The following PRELID2 variants were observed in gnomAD, a reference collection of about 807,000 sequenced individuals.
The protein encoded by PRELID2 is PRELI domain containing 2.
Under a neutral mutation model 28.4 loss-of-function variants are expected in PRELID2, and 25 were observed. The observed-to-expected ratio is 0.88, with a 90% CI of 0.64 to 1.23. The LOEUF is 1.23. Among genes scored for constraint, PRELID2 ranks in the 50% most tolerant of loss-of-function variants. The probability of loss-of-function intolerance (pLI) is 0.00; values close to 1 mark genes in which losing one functional copy is unlikely to be tolerated. For missense variants in PRELID2, 201 were observed against 214.4 expected, an observed-to-expected ratio of 0.94 and a Z score of 0.39; for synonymous variants, 76 against 71.6, an observed-to-expected ratio of 1.06 and a Z score of -0.31.
Position 145,547,367 on chromosome 5 carries a change from CAA to C in PRELID2, n.71-74054_71-74053del, listed in dbSNP as rs530349477. On this transcript the variant is annotated intron_variant and non_coding_transcript_variant, in intron 1 of 2. Transcript: ENST00000510259. ...ATTTTATCTTCTGTAGCTCTGTACT[CAA>C]AGATTATCCACATGGACCCGGCCTT... Among the ~76,000 whole-genome samples the C allele has an allele frequency of 2.0e-5, 3 of 152,214 alleles. No individual in the cohort carries two copies. The East Asian group carries it at 5.8e-4, about 29-fold the overall frequency.
At chr5:145,365,495 T>C in the PRELID2 span, among the ~76,000 whole-genome samples, 7 of 151,978 alleles carry the variant, frequency 4.6e-5, no homozygotes, top group African/African-American at 1.7e-4. Context: ...CATTTGTTCA[T>C]GTGTGGGTAT....
chr5:145,408,795 T>G, the PRELID2 span, among the ~76,000 whole-genome samples: 1 of 152,106 alleles, frequency 6.6e-6, no homozygotes, highest in Non-Finnish European at 1.5e-5. Flanking sequence ...AAAACATACT[T>G]GAGGGAAAAA....
chr5:145,388,684 T>C, the PRELID2 span, among the ~76,000 whole-genome samples: 1 of 152,122 alleles, frequency 6.6e-6, no homozygotes, highest in African/African-American at 2.4e-5. Context: ...CTCATTTCCA[T>C]CTCAGGGATT....
the PRELID2 span, among the ~76,000 whole-genome samples, chr5:145,368,546 T>C: frequency 9.9e-5 from 15 of 151,904 alleles, no homozygotes; most frequent in Non-Finnish European, 1.9e-4. Context: ...CCCTAATATA[T>C]ACTTAGTATG....
At chr5:145,782,575 T>C (rs1287558384) in intron 5 of PRELID2, among the ~76,000 whole-genome samples, 1 of 152,228 alleles carries the variant, frequency 6.6e-6, no homozygotes, top group Non-Finnish European at 1.5e-5. Flanking sequence ...ATAGAAGGCA[T>C]AGATTAAAAA....
intron 1 of PRELID2, among the ~76,000 whole-genome samples, chr5:145,522,851 AAAG>A (rs943292855): frequency 7.2e-5 from 11 of 151,834 alleles, no homozygotes; most frequent in South Asian, 2.1e-4. Context: ...AGGAAGAGAA[AAAG>A]AAGAAGGAGA....
At position 145,760,327 on chromosome 5, in the gene PRELID2, G is replaced by A. The variant is rs1181520500; in HGVS notation, c.*209C>T. 1.3e-5 allele frequency: 2 copies of A among 152,090 alleles called. No individual in the cohort carries two copies. Among genetic ancestry groups the A allele is most frequent in the African/African-American group, 4.8e-5 (2 of 41,412 alleles). The allele number at this position is 152,090 out of a possible 1,614,324, so 9.4% of individuals were successfully genotyped here. On this transcript the variant is annotated 3_prime_UTR_variant, in exon 7 of 7. Transcript: ENST00000683046. ...TCCAGCAAGAAGGTCTTATCTCCCT[G>A]AGTCCCACTATTCGAAGCAGGCTCC...
intron 1 of PRELID2, among the ~76,000 whole-genome samples, chr5:145,567,111 A>G (rs1227913042): frequency 3.3e-5 from 5 of 152,174 alleles, no homozygotes; most frequent in Non-Finnish European, 1.5e-5. Flanking sequence ...CAATAAATAA[A>G]ATATCTCTTT....
At chr5:145,746,581 G>C (rs1001744897) in intron 1 of PRELID2, among the ~76,000 whole-genome samples, 3 of 152,058 alleles carry the variant, frequency 2.0e-5, no homozygotes, top group Non-Finnish European at 4.4e-5. Context: ...CACAATAATA[G>C]TGGGAGCCTT....
chr5:145,487,508 A>C (rs1752228615), intron 1 of PRELID2, among the ~76,000 whole-genome samples: 1 of 152,206 alleles, frequency 6.6e-6, no homozygotes, highest in Admixed American at 6.5e-5. Context: ...TCAATTTTCC[A>C]GTAGATAGAA....
intron 1 of PRELID2, among the ~76,000 whole-genome samples, chr5:145,745,531 C>T (rs1325308889): frequency 6.6e-6 from 1 of 152,140 alleles, no homozygotes; most frequent in Non-Finnish European, 1.5e-5. Flanking sequence ...ACTCTACAAG[C>T]CAGAAGATAC....
chr5:145,605,290 G>T (rs1294182859), intron 1 of PRELID2, among the ~76,000 whole-genome samples: 2 of 152,112 alleles, frequency 1.3e-5, no homozygotes, highest in Middle Eastern at 3.4e-3. Flanking sequence ...ATCTTCCAGG[G>T]TTTTTATAGC....
intron 1 of PRELID2, chr5:145,729,135 C>A: frequency 1.7e-6 from 1 of 602,144 alleles, no homozygotes; most frequent in Admixed American, 2.6e-5. Flanking sequence ...TCAGCTTTCC[C>A]ACTGAGCTTC....
chr5:145,418,905 G>A, the PRELID2 span, among the ~76,000 whole-genome samples: 5 of 141,750 alleles, frequency 3.5e-5, no homozygotes, highest in African/African-American at 1.1e-4. Context: ...ACAGTCCCCA[G>A]AGTGTGATAT....
intron 1 of PRELID2, among the ~76,000 whole-genome samples, chr5:145,516,635 T>G (rs572084836): frequency 6.6e-6 from 1 of 152,114 alleles, no homozygotes; most frequent in African/African-American, 2.4e-5. Flanking sequence ...AGAAAAAAAC[T>G]ACTTTAAATT....
the PRELID2 span, among the ~76,000 whole-genome samples, chr5:145,385,024 A>G: frequency 1.3e-5 from 2 of 152,122 alleles, no homozygotes; most frequent in Admixed American, 6.6e-5. Context: ...TGATGACTGG[A>G]AGGTACAGTG....
chr5:145,638,279 G>A (rs1487450956), intron 1 of PRELID2, among the ~76,000 whole-genome samples: 2 of 151,950 alleles, frequency 1.3e-5, no homozygotes, highest in African/African-American at 2.4e-5. Context: ...CCCACTAAAC[G>A]GGCATTACAA....
At chr5:145,339,608 GT>G in the PRELID2 span, among the ~76,000 whole-genome samples, 1 of 152,138 alleles carries the variant, frequency 6.6e-6, no homozygotes, top group Admixed American at 6.5e-5. Context: ...CTTGGACGAC[GT>G]TGTTGCTGTA....
intron 6 of PRELID2, among the ~76,000 whole-genome samples, chr5:145,762,016 G>A (rs754828290): frequency 6.6e-5 from 10 of 152,258 alleles, no homozygotes; most frequent in South Asian, 4.1e-4. Flanking sequence ...GGCAGCATTC[G>A]ATGCAACATC....
Sources: gnomAD v4.1 joint callset for allele counts (sites outside exome capture counted in the v4.1 genomes callset) on GRCh38, gnomAD v4.1.1 for gene constraint, MANE v1.5 for transcripts, NCBI Gene and HGNC (gene_info 2026-07-23, HGNC 2026-07-21) for gene names.